Variants in ANKRD50 observed in about 807,000 individuals in gnomAD.
ANKRD50 encodes ankyrin repeat domain-containing protein 50.
A neutral mutation model predicts 112.0 loss-of-function variants in ANKRD50; 40 were observed. That is an observed-to-expected ratio of 0.36 (90% CI 0.28 to 0.46). The LOEUF is 0.46. ANKRD50 is among the 20% of genes least tolerant of loss of function. The probability of loss-of-function intolerance (pLI) is 1.00; values close to 1 mark genes in which losing one functional copy is unlikely to be tolerated. For missense variants in ANKRD50, 1,487 were observed against 1,701.7 expected (o/e 0.87, Z 2.22); for synonymous variants, 613 against 619.1 (o/e 0.99, Z 0.15).
At chr4:124,689,916 T>C (rs1403789968) in intron 2 of ANKRD50, among the ~76,000 whole-genome samples, 2 of 27,852 alleles carry the variant, frequency 7.2e-5, no homozygotes, top group Non-Finnish European at 1.5e-4. Flanking sequence ...AATTTACTCT[T>C]ACATAATTTG....
intron 2 of ANKRD50, among the ~76,000 whole-genome samples, chr4:124,691,577 A>G (rs1360812722): frequency 2.0e-5 from 3 of 151,826 alleles, no homozygotes; most frequent in Non-Finnish European, 4.4e-5. Context: ...AGTTCAATAA[A>G]TTATTTTTTT....
At chr4:124,696,107 C>T (rs1392022019) in intron 2 of ANKRD50, among the ~76,000 whole-genome samples, 3 of 151,708 alleles carry the variant, frequency 2.0e-5, no homozygotes, top group African/African-American at 7.3e-5. Flanking sequence ...CTAAAATAAC[C>T]ATGACTAATA....
At position 124,669,439 on chromosome 4, in the gene ANKRD50, C is replaced by T; in HGVS notation, c.3838G>A (p.Gly1280Arg). 2 of 1,612,780 alleles carry T rather than the reference C, an allele frequency of 1.2e-6. No individual in the cohort carries two copies. Among genetic ancestry groups the T allele is most frequent in the Non-Finnish European group, 1.7e-6 (2 of 1,179,654 alleles). ...GGKSENSAKS[G>R]SAGKKAKQSN... The stretch of plus-strand genomic sequence containing the variant: ...TGTTTCGCTTTTTTCCCAGCTGATC[C>T]AGACTTGGCAGAATTTTCTGATTTC... Residue 1280 changes from glycine (G) to arginine (R), a missense_variant, in exon 4 of 5, where the codon GGA (glycine) becomes AGA (arginine). Around this residue, in one of 2 missense-constraint regions of ANKRD50, gnomAD observed 441 missense variants for 432.2 expected, o/e 1.02. Transcript: ENST00000504087.
In ANKRD50 at chr4:124,669,270, T is replaced by C. The variant is rs2110506238; in HGVS notation, c.4007A>G (p.Gln1336Arg). ...CTGTTGAGATCGACCAATTTCCTGC[T>C]GAGCTGAAGGTATCATAATTTTGCA... Reference protein sequence around the residue: ...SQCKIMIPSAQQEIGRSQQQF... With the variant: ...SQCKIMIPSARQEIGRSQQQF... The change falls in exon 4 of 5, where the codon CAG (glutamine) becomes CGG (arginine). Residue 1336 changes from glutamine to arginine, a missense_variant. By Grantham distance (43) the Gln-to-Arg change is conservative (BLOSUM62 1). Transcript: ENST00000504087. 6.2e-7 allele frequency: 1 copy of C among 1,613,828 alleles called. No individual in the cohort carries two copies. Among genetic ancestry groups the C allele is most frequent in the Non-Finnish European group, 8.5e-7 (1 of 1,179,838 alleles).
intron 2 of ANKRD50, among the ~76,000 whole-genome samples, chr4:124,681,940 C>T (rs1257293612): frequency 6.6e-6 from 1 of 152,134 alleles, no homozygotes; most frequent in Non-Finnish European, 1.5e-5. Context: ...TCTGTATTAT[C>T]ACAGTTTAAT....
In ANKRD50 at chr4:124,668,142, AC is replaced by A. The variant is rs550751041; in HGVS notation, c.*4-629del. 4.6e-5 allele frequency among the ~76,000 whole-genome samples: 7 copies of A among 152,034 alleles called. No individual in the cohort carries two copies. The South Asian group carries it at 1.5e-3, about 32-fold the overall frequency. On this transcript the variant is annotated intron_variant, in intron 4 of 4. Coordinates refer to ENST00000504087, the MANE Select transcript of ANKRD50 (RefSeq NM_020337.3). ...TCTGAAAAAGTATCTAAAATATAAA[AC>A]TTACATACCTATTTTCCCACTAACA...
rs143381372 is a variant in ANKRD50 at position 124,671,355 on chromosome 4, T to C, written c.1922A>G (p.Asp641Gly). The C allele has an allele frequency of 6.2e-7, 1 of 1,613,880 alleles. No homozygotes were observed. The highest frequency in any genetic ancestry group is 8.5e-7 in the Non-Finnish European group (1 of 1,179,866). Residue 641 changes from aspartate to glycine, a missense_variant, in exon 4 of 5, where the codon GAT becomes GGT. Coordinates refer to ENST00000504087, the MANE Select transcript of ANKRD50 (RefSeq NM_020337.3). Reference protein sequence around the residue: ...LYAGVKVDCADADSRTALRAA... With the variant: ...LYAGVKVDCAGADSRTALRAA... ...TCTCAAAGCTGTTCGGCTATCAGCATCTGCACAATCCACTTTTACGCCAGC... is the reference window on the plus strand; with the variant it reads ...TCTCAAAGCTGTTCGGCTATCAGCACCTGCACAATCCACTTTTACGCCAGC...
Position 124,671,717 on chromosome 4 carries a change from T to C in ANKRD50, c.1560A>G (p.Gln520=), listed in dbSNP as rs1158721085. 1.9e-6 allele frequency: 3 copies of C among 1,613,906 alleles called. No homozygotes were observed. The highest frequency in any genetic ancestry group is 2.5e-6 in the Non-Finnish European group (3 of 1,179,866). ...EDDRTSCIVR[Q]ALEREDSIRT... The stretch of plus-strand genomic sequence containing the variant: ...GAATGGAATCCTCTCTTTCTAAGGC[T>C]TGTCGAACTATGCATGATGTGCGAT... Residue 520 remains glutamine (Q), a synonymous_variant, in exon 4 of 5, where the codon CAA becomes CAG. Transcript: ENST00000504087.
chr4:124,670,871 A>C lies in ANKRD50; in HGVS notation c.2406T>G (p.Phe802Leu), dbSNP rs1473094522. Residue 802 changes from phenylalanine (F) to leucine (L), a missense_variant, in exon 4 of 5, where the codon TTT becomes TTG. Phe to Leu is a conservative substitution (Grantham distance 22, BLOSUM62 0). Transcript: ENST00000504087. Reference protein sequence around the residue: ...GHASVVNTLLFWGAAVDSIDS... With the variant: ...GHASVVNTLLLWGAAVDSIDS... The stretch of plus-strand genomic sequence containing the variant: ...CAATACTATCCACAGCTGCACCCCA[A>C]AACAAAAGTGTATTTACAACTGATG... 2 of 1,613,792 alleles carry C rather than the reference A, an allele frequency of 1.2e-6. No individual in the cohort carries two copies. Among genetic ancestry groups the C allele is most frequent in the African/African-American group, 1.3e-5 (1 of 74,998 alleles).
At chr4:124,676,477 A>C (rs1246161727) in intron 3 of ANKRD50, among the ~76,000 whole-genome samples, 1 of 151,720 alleles carries the variant, frequency 6.6e-6, no homozygotes, top group Non-Finnish European at 1.5e-5. Context: ...TGAATAGTTT[A>C]GAAATAGAGT....
intron 2 of ANKRD50, among the ~76,000 whole-genome samples, chr4:124,709,699 GC>G (rs1170506090): frequency 1.6e-4 from 24 of 151,766 alleles, no homozygotes; most frequent in African/African-American, 5.6e-4. Context: ...AGCTAAATGT[GC>G]TTCTCTACCA....
intron 3 of ANKRD50, among the ~76,000 whole-genome samples, chr4:124,675,506 A>AC (rs1195435756): frequency 2.6e-5 from 4 of 151,812 alleles, no homozygotes; most frequent in Middle Eastern, 3.2e-3. Context: ...AGGTTTGTCA[A>AC]TGTTAAATTT....
intron 2 of ANKRD50, among the ~76,000 whole-genome samples, chr4:124,698,004 T>C (rs548896283): frequency 6.6e-6 from 1 of 152,146 alleles, no homozygotes; most frequent in Non-Finnish European, 1.5e-5. Flanking sequence ...CAATAGTAAA[T>C]ATAGACAGAA....
chr4:124,706,254 A>G (rs1022829833), intron 2 of ANKRD50, among the ~76,000 whole-genome samples: 1 of 152,136 alleles, frequency 6.6e-6, no homozygotes, highest in African/African-American at 2.4e-5. Flanking sequence ...CTATGCTTCA[A>G]ACGGAGAACA....
chr4:124,710,399 T>C lies in ANKRD50; in HGVS notation c.113A>G (p.Gln38Arg), dbSNP rs1159591856. 2.5e-6 allele frequency: 4 copies of C among 1,614,104 alleles called. No homozygotes were observed. The highest frequency in any genetic ancestry group is 1.7e-5 in the Admixed American group (1 of 60,004). Residue 38 changes from glutamine to arginine, a missense_variant, in exon 2 of 5, where the codon CAG becomes CGG. Transcript: ENST00000504087. ...WVFHKLQHCL[Q>R]EKSNCCNSAV... ...ACTATTGCAGCAGTTACTTTTCTCC[T>C]GGAGGCAATGCTGAAGCTTGTGGAA...
In ANKRD50 at chr4:124,665,777, C is replaced by T. The variant is rs1300011252; in HGVS notation, c.*1741G>A. On this transcript the variant is annotated 3_prime_UTR_variant, in exon 5 of 5. Coordinates refer to ENST00000504087, the MANE Select transcript of ANKRD50 (RefSeq NM_020337.3). ...ATCAATTGAACTTATCAACTTATCT[C>T]GTAGTCCTCACTATGACTTATAGAT... 3 of 152,248 alleles carry T rather than the reference C, an allele frequency of 2.0e-5. No homozygotes were observed. The highest frequency in any genetic ancestry group is 2.9e-5 in the Non-Finnish European group (2 of 67,886). 9.4% of individuals were successfully genotyped at this position (152,248 alleles called of 1,614,324 possible). A position where few individuals can be genotyped will look rare whatever the true frequency, so the allele number is the denominator to read the frequency against.
chr4:124,688,680 T>G (rs542103130), intron 2 of ANKRD50, among the ~76,000 whole-genome samples: 3 of 152,278 alleles, frequency 2.0e-5, no homozygotes, highest in African/African-American at 7.2e-5. Context: ...TCTTTCCAGT[T>G]GGTATTCTGA....
At chr4:124,677,945 A>C (rs1040287876) in intron 3 of ANKRD50, among the ~76,000 whole-genome samples, 3 of 152,070 alleles carry the variant, frequency 2.0e-5, no homozygotes, top group Non-Finnish European at 2.9e-5. Context: ...AACTTTTACC[A>C]ACTATATTTT....
intron 2 of ANKRD50, among the ~76,000 whole-genome samples, chr4:124,693,625 T>C (rs1309784922): frequency 6.6e-6 from 1 of 152,114 alleles, no homozygotes; most frequent in African/African-American, 2.4e-5. Flanking sequence ...ATCCTCCAAT[T>C]TAATGGTTTT....
Sources: gnomAD v4.1 joint callset for allele counts (sites outside exome capture counted in the v4.1 genomes callset) on GRCh38, gnomAD v4.1.1 for gene constraint, gnomAD v4.1.1 regional missense constraint, MANE v1.5 for transcripts, NCBI Gene and HGNC (gene_info 2026-07-23, HGNC 2026-07-21) for gene names.